ZNF148: variants seen among roughly 807,000 people sequenced by gnomAD.
The protein encoded by ZNF148 is Beta-Enolase Repressor Factor-1.
Under a neutral mutation model 67.7 loss-of-function variants are expected in ZNF148, and 7 were observed. That is an observed-to-expected ratio of 0.10 (90% CI 0.06 to 0.19). The LOEUF (loss-of-function observed/expected upper bound fraction) is 0.19. Ranked by LOEUF, ZNF148 falls within the 10% of genes least tolerant of loss-of-function variation. The pLI is 1.00. For synonymous variants in ZNF148, 333 were observed against 330.7 expected (o/e 1.01, Z -0.08); for missense variants, 583 against 947.1 (o/e 0.62, Z 5.05).
At chr3:125,262,242 T>A (rs1026415833) in intron 7 of ZNF148, among the ~76,000 whole-genome samples, 4 of 152,226 alleles carry the variant, frequency 2.6e-5, no homozygotes, top group African/African-American at 9.6e-5. Context: ...TTTTATTAGA[T>A]CCCTGATATT....
intron 7 of ZNF148, among the ~76,000 whole-genome samples, chr3:125,267,460 A>G (rs1479144059): frequency 6.6e-6 from 1 of 152,204 alleles, no homozygotes; most frequent in African/African-American, 2.4e-5. Flanking sequence ...ACAGAATTAA[A>G]AACAAAAATC....
intron 7 of ZNF148, among the ~76,000 whole-genome samples, chr3:125,256,827 T>C (rs1394602911): frequency 2.6e-5 from 4 of 152,238 alleles, no homozygotes; most frequent in Non-Finnish European, 1.5e-5. Flanking sequence ...TCTCTTTCTC[T>C]GTTTTCATTT....
rs548755086 is a variant in ZNF148 at position 125,371,988 on chromosome 3, T to C, written c.-234+3114A>G. On this transcript the variant is annotated intron_variant, in intron 1 of 8. Transcript: ENST00000360647. ...CTGAGGCAGGAGAATGGCGTGAACC[T>C]GGGAGGCAGAGCTTGCAGTGAGCCG... 4.1e-5 allele frequency among the ~76,000 whole-genome samples: 6 copies of C among 145,650 alleles called. No homozygotes were observed. In the South Asian group the frequency reaches 6.5e-4, roughly 16 times the overall value.
At chr3:125,252,885 C>T (rs1936907096) in intron 7 of ZNF148, among the ~76,000 whole-genome samples, 1 of 152,042 alleles carries the variant, frequency 6.6e-6, no homozygotes, top group African/African-American at 2.4e-5. Context: ...TCTGGAGCAA[C>T]TGATCTCTGT....
In ZNF148 at chr3:125,227,398, C is replaced by A. The variant is rs1490937219; in HGVS notation, c.*4943G>T. 6 of 152,528 alleles carry A rather than the reference C, an allele frequency of 3.9e-5. No individual in the cohort carries two copies. Among genetic ancestry groups the A allele is most frequent in the Non-Finnish European group, 8.8e-5 (6 of 67,986 alleles). 9.4% of individuals were successfully genotyped at this position (152,528 alleles called of 1,614,324 possible). ...AATACAAAGAAGGCATAGGGGATCC[C>A]AGGAAAATAACACTATATATCAGAA... On this transcript the variant is annotated 3_prime_UTR_variant, in exon 9 of 9. Transcript: ENST00000360647.
At chr3:125,238,894 T>C (rs1173666042) in intron 7 of ZNF148, among the ~76,000 whole-genome samples, 5 of 152,196 alleles carry the variant, frequency 3.3e-5, no homozygotes, top group Non-Finnish European at 1.5e-5. Flanking sequence ...GATAGAAATA[T>C]GTGACACATA....
intron 3 of ZNF148, 97 bp from the exon 4 acceptor site, chr3:125,313,753 A>G: frequency 4.0e-6 from 4 of 1,001,432 alleles, no homozygotes; most frequent in East Asian, 2.6e-5. Flanking sequence ...ATTCAAATAC[A>G]AAGATTTTAT....
intron 7 of ZNF148, among the ~76,000 whole-genome samples, chr3:125,259,799 T>C (rs2107569363): frequency 6.6e-6 from 1 of 152,316 alleles, no homozygotes; most frequent in East Asian, 1.9e-4. Flanking sequence ...CTTTTTCCTT[T>C]GCATTCACAA....
intron 4 of ZNF148, among the ~76,000 whole-genome samples, chr3:125,289,938 T>C (rs938687127): frequency 6.6e-6 from 1 of 152,172 alleles, no homozygotes; most frequent in Non-Finnish European, 1.5e-5. Flanking sequence ...AGTGATTATA[T>C]TAATACTGTG....
intron 7 of ZNF148, among the ~76,000 whole-genome samples, chr3:125,258,174 GAAC>G (rs2107565116): frequency 6.6e-6 from 1 of 152,074 alleles, no homozygotes; most frequent in Admixed American, 6.6e-5. Context: ...TGTAATCCCA[GAAC>G]TTTGGGAGGC....
chr3:125,275,148 A>G (rs886914815), intron 7 of ZNF148, among the ~76,000 whole-genome samples: 1 of 152,226 alleles, frequency 6.6e-6, no homozygotes, highest in Non-Finnish European at 1.5e-5. Context: ...AGAAGGGAAA[A>G]CTATCCCCTT....
At chr3:125,264,153 T>C (rs1369062817) in intron 7 of ZNF148, among the ~76,000 whole-genome samples, 1 of 152,214 alleles carries the variant, frequency 6.6e-6, no homozygotes, top group Non-Finnish European at 1.5e-5. Flanking sequence ...CTGAATCCTT[T>C]GTAATAAAAT....
At chr3:125,362,697 A>G (rs1479267450) in intron 1 of ZNF148, among the ~76,000 whole-genome samples, 1 of 151,792 alleles carries the variant, frequency 6.6e-6, no homozygotes, top group Non-Finnish European at 1.5e-5. Flanking sequence ...TGGGACTACA[A>G]GTGCGCGCCA....
At chr3:125,250,786 T>G (rs1399781356) in intron 7 of ZNF148, among the ~76,000 whole-genome samples, 1 of 152,208 alleles carries the variant, frequency 6.6e-6, no homozygotes, top group Admixed American at 6.5e-5. Flanking sequence ...ATATTTATCT[T>G]AAACCACAAA....
intron 1 of ZNF148, among the ~76,000 whole-genome samples, chr3:125,333,434 T>C (rs1282324888): frequency 6.6e-6 from 1 of 152,194 alleles, no homozygotes; most frequent in Non-Finnish European, 1.5e-5. Context: ...ACCTGTCACA[T>C]AGTCTGTCTC....
chr3:125,355,829 G>GT (rs542990957), intron 1 of ZNF148, among the ~76,000 whole-genome samples: 13 of 152,222 alleles, frequency 8.5e-5, no homozygotes, highest in Admixed American at 7.2e-4. Context: ...GGCTAATGTA[G>GT]TAACAATGAG....
At position 125,232,469 on chromosome 3, in the gene ZNF148, C is replaced by T; in HGVS notation, c.2257G>A (p.Gly753Arg). ...CCTGGTCCCCGAAGGTTCACCTGTC[C>T]ATTGGCAGTGCTAAATTGAGTAGCT... ...GIATQFSTANGQVNLRGPGTS... is the reference protein window; with the variant it reads ...GIATQFSTANRQVNLRGPGTS... Residue 753 changes from glycine to arginine, a missense_variant, in exon 9 of 9, where the codon GGA (glycine) becomes AGA (arginine). Around this residue, in one of 5 missense-constraint regions of ZNF148, gnomAD observed 158 missense variants for 208.4 expected, o/e 0.76. Transcript: ENST00000360647. The surrounding 1 kb of genome is among the most constrained non-coding windows in gnomAD (Gnocchi z 4.2). 1.9e-6 allele frequency: 3 copies of T among 1,613,634 alleles called. No homozygotes were observed. Among genetic ancestry groups the T allele is most frequent in the Non-Finnish European group, 2.5e-6 (3 of 1,179,730 alleles).
chr3:125,296,668 C>CA (rs1213638786), intron 4 of ZNF148, among the ~76,000 whole-genome samples: 1 of 151,796 alleles, frequency 6.6e-6, no homozygotes, highest in Non-Finnish European at 1.5e-5. Context: ...TTTCTCATGA[C>CA]AAAAAAGCAC....
intron 7 of ZNF148, among the ~76,000 whole-genome samples, chr3:125,253,338 G>A (rs554304633): frequency 2.0e-4 from 31 of 152,216 alleles, no homozygotes; most frequent in African/African-American, 6.7e-4. Context: ...TGTATACAGT[G>A]ATAACTGATG....
Sources: allele counts gnomAD v4.1 joint callset (sites outside exome capture counted in the v4.1 genomes callset), GRCh38; gene constraint gnomAD v4.1.1; regional missense constraint gnomAD v4.1.1; non-coding constraint Gnocchi (gnomAD v3.1); transcripts MANE v1.5; gene names NCBI Gene and HGNC (gene_info 2026-07-23, HGNC 2026-07-21).